Variants in GDAP1 observed in about 807,000 individuals in gnomAD.
GDAP1 encodes the protein ganglioside-induced differentiation-associated protein 1.
A neutral mutation model predicts 40.1 loss-of-function variants in GDAP1; 34 were observed. The observed-to-expected ratio is 0.85, with a 90% CI of 0.64 to 1.13. The LOEUF is 1.13. Among genes scored for constraint, GDAP1 ranks in the 50% most tolerant of loss-of-function variants. GDAP1 has a pLI of 0.00. For synonymous variants in GDAP1, 170 were observed against 157.4 expected (o/e 1.08, Z -0.60); for missense variants, 374 against 433.7 (o/e 0.86, Z 1.22).
chr8:74,398,706 A>G (rs930788826), intron 2 of GDAP1, among the ~76,000 whole-genome samples: 1 of 152,082 alleles, frequency 6.6e-6, no homozygotes, highest in Non-Finnish European at 1.5e-5. Context: ...AGCTCTTGTT[A>G]TTTTGAGATG....
At chr8:74,423,187 C>A in intron 2 of GDAP1, among the ~76,000 whole-genome samples, 1 of 146,234 alleles carries the variant, frequency 6.8e-6, no homozygotes, top group Admixed American at 6.9e-5. Flanking sequence ...CTTATATATA[C>A]TGTTGTATAT....
intron 2 of GDAP1, among the ~76,000 whole-genome samples, chr8:74,407,573 G>A (rs1458615675): frequency 6.7e-6 from 1 of 149,766 alleles, no homozygotes; most frequent in Non-Finnish European, 1.5e-5. Context: ...TGGCATCCTT[G>A]ATCCTCAGCT....
chr8:74,450,349 T>C (rs967981164), intron 2 of GDAP1, among the ~76,000 whole-genome samples: 2 of 151,882 alleles, frequency 1.3e-5, no homozygotes, highest in African/African-American at 4.8e-5. Context: ...AAATGTTAGA[T>C]AAAGATCATT....
chr8:74,416,046 C>T (rs189332499), intron 2 of GDAP1, among the ~76,000 whole-genome samples: 131 of 149,922 alleles, frequency 8.7e-4, no homozygotes, highest in Non-Finnish European at 1.3e-3. Context: ...CAGATCTGAG[C>T]TCAGACTACC....
chr8:74,373,384 G>A (rs903283020), intron 2 of GDAP1, among the ~76,000 whole-genome samples: 1 of 152,076 alleles, frequency 6.6e-6, no homozygotes, highest in African/African-American at 2.4e-5. Context: ...TCTTCCTATC[G>A]ATGAGCATGG....
intron 2 of GDAP1, among the ~76,000 whole-genome samples, chr8:74,432,716 T>A (rs1390342799): frequency 6.6e-6 from 1 of 152,226 alleles, no homozygotes; most frequent in African/African-American, 2.4e-5. Flanking sequence ...CTTCAAGGCC[T>A]TGTGCAAATG....
chr8:74,403,398 C>A (rs1013476215), intron 2 of GDAP1, among the ~76,000 whole-genome samples: 2 of 149,914 alleles, frequency 1.3e-5, no homozygotes, highest in African/African-American at 5.1e-5. Flanking sequence ...TTTTTCTATC[C>A]TGTCAGAGAA....
chr8:74,448,243 TA>T (rs1418658165), intron 2 of GDAP1, among the ~76,000 whole-genome samples: 1 of 54,496 alleles, frequency 1.8e-5, no homozygotes, highest in African/African-American at 7.5e-5. Context: ...ACTAAACAGA[TA>T]TATAGTATGT....
At chr8:74,379,658 A>G (rs10957708) in intron 2 of GDAP1, among the ~76,000 whole-genome samples, 40,942 of 151,982 alleles carry the variant, frequency 0.27, 6,121 homozygotes, top group Non-Finnish European at 0.34. Context: ...CTCCAGGGCT[A>G]TGTTAATGTT....
intron 2 of GDAP1, among the ~76,000 whole-genome samples, chr8:74,378,741 A>G (rs1351281394): frequency 3.3e-5 from 5 of 152,218 alleles, no homozygotes; most frequent in Non-Finnish European, 7.3e-5. Context: ...CCCTTGGCAC[A>G]TACATAGCTA....
intron 2 of GDAP1, among the ~76,000 whole-genome samples, chr8:74,410,796 TTGAAGTG>T (rs1306821797): frequency 6.6e-6 from 1 of 150,396 alleles, no homozygotes; most frequent in African/African-American, 2.5e-5. Flanking sequence ...TGTTGCCATG[TTGAAGTG>T]TGTTCTTATG....
At chr8:74,405,483 AG>A in intron 2 of GDAP1, among the ~76,000 whole-genome samples, 1 of 150,224 alleles carries the variant, frequency 6.7e-6, no homozygotes, top group East Asian at 1.9e-4. Flanking sequence ...CAATGGGTGA[AG>A]GACCCACAGA....
In GDAP1 at chr8:74,364,044, G is replaced by T; in HGVS notation, c.754G>T (p.Ala252Ser). The T allele has an allele frequency of 6.2e-7, 1 of 1,613,938 alleles. No individual in the cohort carries two copies. The highest frequency in any genetic ancestry group is 1.1e-5 in the South Asian group (1 of 91,074). Residue 252 changes from alanine (A) to serine (S), a missense_variant, in exon 6 of 6, where the codon GCT (alanine) becomes TCT (serine). Transcript: ENST00000220822. ...ESFTLADVSL[A>S]VTLHRLKFLG... Reference sequence around the variant, plus strand: ...CTTCACCCTGGCAGACGTCTCACTCGCTGTCACATTGCATCGACTGAAGTT... The same window carrying T: ...CTTCACCCTGGCAGACGTCTCACTCTCTGTCACATTGCATCGACTGAAGTT...
At chr8:74,378,558 C>T (rs1369784915) in intron 2 of GDAP1, among the ~76,000 whole-genome samples, 1 of 152,132 alleles carries the variant, frequency 6.6e-6, no homozygotes, top group Non-Finnish European at 1.5e-5. Context: ...CTTGATTGAC[C>T]AGGGTTGACA....
intron 2 of GDAP1, among the ~76,000 whole-genome samples, chr8:74,460,571 T>G (rs746927693): frequency 1.0e-3 from 153 of 152,186 alleles, no homozygotes; most frequent in Non-Finnish European, 1.4e-3. Context: ...TTCCTTAGCT[T>G]AATGGAAAAT....
chr8:74,363,791 G>A (rs944080594), intron 5 of GDAP1, among the ~76,000 whole-genome samples, 194 bp from the exon 6 acceptor site: 3 of 152,152 alleles, frequency 2.0e-5, no homozygotes, highest in Non-Finnish European at 2.9e-5. Context: ...TTTGGCCTAG[G>A]ATACGTTTGC....
At chr8:74,372,898 A>T (rs1485090046) in intron 2 of GDAP1, among the ~76,000 whole-genome samples, 1 of 152,146 alleles carries the variant, frequency 6.6e-6, no homozygotes, top group Non-Finnish European at 1.5e-5. Flanking sequence ...TTATGGTTTT[A>T]GGTCTAACAT....
At chr8:74,470,008 T>C (rs1353961011) in intron 2 of GDAP1, among the ~76,000 whole-genome samples, 1 of 151,876 alleles carries the variant, frequency 6.6e-6, no homozygotes, top group Non-Finnish European at 1.5e-5. Context: ...AATAGAAAAA[T>C]AGTATTCTGA....
chr8:74,475,877 G>A lies in GDAP1; in HGVS notation c.166-12801G>A, dbSNP rs527954948. Among the ~76,000 whole-genome samples the A allele has an allele frequency of 1.7e-3, 258 of 152,240 alleles. 1 individual carries two copies. In the South Asian group the frequency reaches 0.018, roughly 11 times the overall value. ...CAATGATCTGTCTAATACTGTCAAT[G>A]GGGTGTTGAATTCTCTCATTATTAT... On this transcript the variant is annotated intron_variant, in intron 2 of 2. Coordinates refer to the GDAP1 transcript ENST00000523640.
Sources: gnomAD v4.1 joint callset for allele counts (sites outside exome capture counted in the v4.1 genomes callset) on GRCh38, gnomAD v4.1.1 for gene constraint, MANE v1.5 for transcripts, NCBI Gene and HGNC (gene_info 2026-07-23, HGNC 2026-07-21) for gene names.